The following NR4A3 variants were observed in gnomAD, a reference collection of about 807,000 sequenced individuals.
NR4A3 encodes the protein chondrosarcoma, extraskeletal myxoid, fused to EWS.
Under a neutral mutation model 55.6 loss-of-function variants are expected in NR4A3, and 13 were observed. That is an observed-to-expected ratio of 0.23 (90% CI 0.15 to 0.37). The LOEUF (loss-of-function observed/expected upper bound fraction) is 0.37, where lower values mean the gene tolerates loss of function less well. NR4A3 is among the 10% of genes least tolerant of loss of function. The probability of loss-of-function intolerance (pLI) is 1.00; values close to 1 mark genes in which losing one functional copy is unlikely to be tolerated. For synonymous variants in NR4A3, 342 were observed against 357.9 expected (o/e 0.96, Z 0.50); for missense variants, 646 against 822.8 (o/e 0.79, Z 2.63).
chr9:99,830,668 G>T (rs1454351566), intron 3 of NR4A3, among the ~76,000 whole-genome samples: 1 of 152,046 alleles, frequency 6.6e-6, no homozygotes, highest in East Asian at 1.9e-4. Flanking sequence ...GCCATTTTTT[G>T]TTTTAACTAC....
chr9:99,837,469 T>A (rs1330407102), intron 5 of NR4A3, among the ~76,000 whole-genome samples: 1 of 152,158 alleles, frequency 6.6e-6, no homozygotes, highest in African/African-American at 2.4e-5. Context: ...CTCAATAGGT[T>A]TCTATTTCAT....
chr9:99,822,597 C>G lies in NR4A3; in HGVS notation c.-177+190C>G, dbSNP rs1029860347. ...AAACTTTTCCCCTGTAGTGGGCCCG[C>G]GGGGATCTCTGGAGCTCGTGGGATT... On this transcript the variant is annotated intron_variant, in intron 1 of 7. Coordinates refer to ENST00000395097, the MANE Select transcript of NR4A3 (RefSeq NM_006981.4). This position sits in a 1 kb window ranked among gnomAD's most constrained non-coding sequence, Gnocchi z 4.9. Among the ~76,000 whole-genome samples the G allele has an allele frequency of 1.3e-5, 2 of 152,108 alleles. No homozygotes were observed.
chr9:99,842,893 G>A (rs1437068016), intron 5 of NR4A3, among the ~76,000 whole-genome samples: 1 of 152,186 alleles, frequency 6.6e-6, no homozygotes, highest in Non-Finnish European at 1.5e-5. Context: ...TTTTTCACCT[G>A]TAAAATAAAG....
At chr9:99,852,811 C>T (rs1223311309) in intron 7 of NR4A3, among the ~76,000 whole-genome samples, 7 of 152,290 alleles carry the variant, frequency 4.6e-5, no homozygotes, top group Admixed American at 4.6e-4. Context: ...CACAGCAGGA[C>T]TAGACAGGTG....
chr9:99,831,156 G>A (rs767447697), intron 3 of NR4A3, among the ~76,000 whole-genome samples: 6 of 152,198 alleles, frequency 3.9e-5, no homozygotes, highest in Non-Finnish European at 7.3e-5. Context: ...CAAATGTAGG[G>A]AAGGCTTCAG....
rs1564041699 is a variant in NR4A3 at position 99,863,738 on chromosome 9, G to A, written c.1752G>A (p.Leu584=). ...TGGAGCCCACCGAGTCCAAGGTCCTGGGTGCCCTGGTAGAACTGAGGAAGA... is the reference window on the plus strand; with the variant it reads ...TGGAGCCCACCGAGTCCAAGGTCCTAGGTGCCCTGGTAGAACTGAGGAAGA... ...QALEPTESKV[L]GALVELRKIC... is the part of the protein sequence containing the mutation. The change falls in exon 8 of 8, where the codon CTG becomes CTA. Residue 584 remains leucine (L), a synonymous_variant. Transcript: ENST00000395097. 2 of 1,613,814 alleles carry A rather than the reference G, an allele frequency of 1.2e-6. No individual in the cohort carries two copies. The highest frequency in any genetic ancestry group is 2.7e-5 in the African/African-American group (2 of 74,912).
At chr9:99,843,864 G>A (rs946017901) in intron 5 of NR4A3, among the ~76,000 whole-genome samples, 4 of 151,524 alleles carry the variant, frequency 2.6e-5, no homozygotes, top group Admixed American at 6.6e-5. Context: ...AGCGATTCTC[G>A]TGCCTCAGCC....
In NR4A3 at chr9:99,844,281, A is replaced by G. The variant is rs145324362; in HGVS notation, c.1255-368A>G. Among the ~76,000 whole-genome samples the G allele has an allele frequency of 1.5e-4, 23 of 152,304 alleles. No homozygotes were observed. The East Asian group carries it at 4.1e-3, about 27-fold the overall frequency. The stretch of plus-strand genomic sequence containing the variant: ...TGGAGTCACCTGGGGAGCTTTTAAA[A>G]TTCTTGACCCCTGGGCTCCACCCCA... On this transcript the variant is annotated intron_variant, in intron 5 of 7. Transcript: ENST00000395097.
Position 99,865,032 on chromosome 9 carries a change from G to A in NR4A3, c.*1165G>A, listed in dbSNP as rs1828072151. The A allele has an allele frequency of 4.9e-6, 1 of 202,952 alleles. No homozygotes were observed. The highest frequency in any genetic ancestry group is 1.9e-4 in the South Asian group (1 of 5,272). 12.6% of individuals were successfully genotyped at this position (202,952 alleles called of 1,614,324 possible). A position where few individuals can be genotyped will look rare whatever the true frequency, so the allele number is the denominator to read the frequency against. On this transcript the variant is annotated 3_prime_UTR_variant, in exon 8 of 8. Coordinates refer to ENST00000395097, the MANE Select transcript of NR4A3 (RefSeq NM_006981.4). The surrounding 1 kb of genome is among the most constrained non-coding windows in gnomAD (Gnocchi z 4.3). ...AGAAAAGATTTAAAAAATAGTATGA[G>A]TGTGAGTACTAGGAAGGATTAGTGG...
At chr9:99,840,829 T>C (rs554887129) in intron 5 of NR4A3, among the ~76,000 whole-genome samples, 75 of 152,330 alleles carry the variant, frequency 4.9e-4, no homozygotes, top group Non-Finnish European at 4.7e-4. Context: ...CTGCCCTGAA[T>C]TTCATTCTGC....
intron 7 of NR4A3, among the ~76,000 whole-genome samples, chr9:99,856,530 C>T (rs1337963676): frequency 6.6e-6 from 1 of 152,036 alleles, no homozygotes; most frequent in Non-Finnish European, 1.5e-5. Context: ...AATTGGGGAC[C>T]CCTGATATAT....
In NR4A3 at chr9:99,864,802, G is replaced by C. The variant is rs533941649; in HGVS notation, c.*935G>C. ...TTGCTTCAGTTATAGTAACTGACTG[G>C]TATATTCATTCAGAAGCGCCATAAG... On this transcript the variant is annotated 3_prime_UTR_variant, in exon 8 of 8. Coordinates refer to ENST00000395097, the MANE Select transcript of NR4A3 (RefSeq NM_006981.4). 1.5e-4 allele frequency: 33 copies of C among 222,802 alleles called. No individual in the cohort carries two copies. The highest frequency in any genetic ancestry group is 6.9e-4 in the African/African-American group (31 of 44,828). The allele number at this position is 222,802 out of a possible 1,614,324, so 13.8% of individuals were successfully genotyped here. A position where few individuals can be genotyped will look rare whatever the true frequency, so the allele number is the denominator to read the frequency against.
At chr9:99,845,073 A>T (rs1031736570) in intron 6 of NR4A3, among the ~76,000 whole-genome samples, 4 of 152,164 alleles carry the variant, frequency 2.6e-5, no homozygotes, top group African/African-American at 7.2e-5. Context: ...TCACACCCTG[A>T]GCAGGTCACT....
intron 5 of NR4A3, among the ~76,000 whole-genome samples, chr9:99,840,593 C>G (rs1246873918): frequency 3.9e-5 from 6 of 152,168 alleles, no homozygotes; most frequent in Non-Finnish European, 7.3e-5. Context: ...TCATTTAATG[C>G]AAGAGCCAGA....
At position 99,822,699 on chromosome 9, in the gene NR4A3, T is replaced by C. The variant is rs760817013; in HGVS notation, c.-177+292T>C. ...ATTTGTGCTATAGCGGCTCCAGCGATGTAATTCAGGGTATTTCGGCTCTAG... is the reference window on the plus strand; with the variant it reads ...ATTTGTGCTATAGCGGCTCCAGCGACGTAATTCAGGGTATTTCGGCTCTAG... On this transcript the variant is annotated intron_variant, in intron 1 of 7. Coordinates refer to ENST00000395097, the MANE Select transcript of NR4A3 (RefSeq NM_006981.4). This position sits in a 1 kb window ranked among gnomAD's most constrained non-coding sequence, Gnocchi z 4.9. 6.6e-6 allele frequency among the ~76,000 whole-genome samples: 1 copy of C among 152,162 alleles called. No homozygotes were observed. The highest frequency in any genetic ancestry group is 1.5e-5 in the Non-Finnish European group (1 of 68,026).
rs1827470213 is a variant in NR4A3 at position 99,832,753 on chromosome 9, G to A, written c.1016G>A (p.Arg339Lys). ...AATAAAAACTGCCCAGTAGACAAGA[G>A]ACGTCGAAACCGATGTCAGTACTGT... ...LANKNCPVDK[R>K]RRNRCQYCRF... Residue 339 changes from arginine (R) to lysine (K), a missense_variant, in exon 4 of 8, where the codon AGA (arginine) becomes AAA (lysine). Coordinates refer to ENST00000395097, the MANE Select transcript of NR4A3 (RefSeq NM_006981.4). The A allele has an allele frequency of 1.2e-6, 2 of 1,609,892 alleles. No homozygotes were observed. The highest frequency in any genetic ancestry group is 2.2e-5 in the South Asian group (2 of 90,730).
At chr9:99,841,000 A>G (rs914016632) in intron 5 of NR4A3, among the ~76,000 whole-genome samples, 18 of 152,266 alleles carry the variant, frequency 1.2e-4, no homozygotes, top group African/African-American at 4.3e-4. Flanking sequence ...TGGGAGGCCA[A>G]GGCAGGTGGA....
At chr9:99,827,290 GTATA>G (rs56749651) in intron 2 of NR4A3, among the ~76,000 whole-genome samples, 21 of 139,100 alleles carry the variant, frequency 1.5e-4, no homozygotes, top group African/African-American at 2.9e-4. Flanking sequence ...GTGTGTGTGT[GTATA>G]TATATATATA....
chr9:99,832,608 A>G, intron 3 of NR4A3, 81 bp from the exon 4 acceptor site: 1 of 1,217,476 alleles, frequency 8.2e-7, no homozygotes, highest in Non-Finnish European at 1.1e-6. Context: ...CGCTTTTCAC[A>G]TTGTAATTAA....
Sources: allele counts gnomAD v4.1 joint callset (sites outside exome capture counted in the v4.1 genomes callset), GRCh38; gene constraint gnomAD v4.1.1; non-coding constraint Gnocchi (gnomAD v3.1); transcripts MANE v1.5; gene names NCBI Gene and HGNC (gene_info 2026-07-23, HGNC 2026-07-21).